RAI2: variants seen among roughly 807,000 people sequenced by gnomAD.
RAI2 encodes retinoic acid-induced protein 2.
RAI2 carries 5 observed loss-of-function variants against 15.3 expected under a neutral mutation model. That is an observed-to-expected ratio of 0.33 (90% CI 0.17 to 0.69). The LOEUF is 0.69. Ranked by LOEUF, RAI2 falls within the 30% of genes least tolerant of loss-of-function variation. RAI2 has a pLI of 0.69. For synonymous variants in RAI2, 191 were observed against 184.0 expected, an observed-to-expected ratio of 1.04 and a Z score of -0.31; for missense variants, 424 against 424.7, an observed-to-expected ratio of 1.00 and a Z score of 0.01.
intron 1 of RAI2, among the ~76,000 whole-genome samples, chrX:17,823,594 G>C (rs950805681): frequency 1.8e-5 from 2 of 111,502 alleles, no homozygotes; most frequent in African/African-American, 6.5e-5. Flanking sequence ...ATTTTCATCA[G>C]GCTAGACTCT....
chrX:17,813,515 A>T (rs1456424797), intron 1 of RAI2, among the ~76,000 whole-genome samples: 1 of 111,455 alleles, frequency 9.0e-6, no homozygotes, highest in Admixed American at 9.5e-5. Flanking sequence ...CTCCATAGAG[A>T]TAAGAACCGA....
chrX:17,804,180 G>A (rs2066952855), intron 1 of RAI2, among the ~76,000 whole-genome samples: 1 of 111,032 alleles, frequency 9.0e-6, no homozygotes, highest in Non-Finnish European at 1.9e-5. Context: ...GGATCATCTT[G>A]AACTCCTGGC....
rs1331880344 is a variant in RAI2 at position 17,800,498 on chromosome X, A to C, written c.1513T>G (p.Leu505Val). 1 of 1,211,194 alleles carries C rather than the reference A, an allele frequency of 8.3e-7. No individual in the cohort carries two copies. Among genetic ancestry groups the C allele is most frequent in the East Asian group, 3.0e-5 (1 of 33,818 alleles). ...ATTTCCTGGGAGTTCACTTTCTTTAACTTTATGCTCCGGTTTTTGATGGGT... is the reference window on the plus strand; with the variant it reads ...ATTTCCTGGGAGTTCACTTTCTTTACCTTTATGCTCCGGTTTTTGATGGGT... ...RKPIKNRSIK[L>V]KKVNSQEIHM... Residue 505 changes from leucine (L) to valine (V), a missense_variant, in exon 2 of 2, where the codon TTA (leucine) becomes GTA (valine). Transcript: ENST00000451717.
intron 1 of RAI2, among the ~76,000 whole-genome samples, chrX:17,807,369 G>T (rs996383240): frequency 8.9e-6 from 1 of 111,805 alleles, no homozygotes; most frequent in Non-Finnish European, 1.9e-5. Flanking sequence ...GGCACTAGTA[G>T]GTGCTGAGGA....
At chrX:17,852,995 T>C (rs946706786) in intron 1 of RAI2, among the ~76,000 whole-genome samples, 3 of 104,554 alleles carry the variant, frequency 2.9e-5, no homozygotes, top group Non-Finnish European at 5.8e-5. Context: ...GTACACTAAA[T>C]GGCTAAATCA....
chrX:17,809,679 G>A (rs1432797915), intron 1 of RAI2, among the ~76,000 whole-genome samples: 2 of 110,823 alleles, frequency 1.8e-5, no homozygotes, highest in Non-Finnish European at 3.8e-5. Context: ...AACTCAGCAG[G>A]AGAAATGAAG....
Position 17,801,411 on chromosome X carries a change from G to A in RAI2, c.600C>T (p.Pro200=). 1.7e-6 allele frequency: 2 copies of A among 1,155,627 alleles called. No homozygotes were observed. Among genetic ancestry groups the A allele is most frequent in the African/African-American group, 3.6e-5 (2 of 55,581 alleles). The change falls in exon 2 of 2, where the codon CCC becomes CCT. Residue 200 remains proline, a synonymous_variant. Coordinates refer to ENST00000451717, the MANE Select transcript of RAI2 (RefSeq NM_021785.6). ...AGCCAGGAGGAGGCTGACAGGGTGGGGGCCCGAGAGTGCCCTGGGAGGGAA... is the reference window on the plus strand; with the variant it reads ...AGCCAGGAGGAGGCTGACAGGGTGGAGGCCCGAGAGTGCCCTGGGAGGGAA... ...NLFPSQGTLG[P]PPCQPPPGYA...
intron 1 of RAI2, among the ~76,000 whole-genome samples, chrX:17,802,607 C>G (rs1421355137): frequency 8.9e-6 from 1 of 111,990 alleles, no homozygotes; most frequent in East Asian, 2.8e-4. Flanking sequence ...CAATGACATT[C>G]CCATTTCTCC....
chrX:17,828,818 GC>G (rs1052799311), intron 1 of RAI2, among the ~76,000 whole-genome samples: 3 of 111,453 alleles, frequency 2.7e-5, no homozygotes, highest in Non-Finnish European at 5.7e-5. Flanking sequence ...GAGCTCTGTG[GC>G]CTGGGATTAT....
rs73447850 is a variant in RAI2, at chrX:17,838,431, G to C, written c.-25+22667C>G. Among the ~76,000 whole-genome samples the C allele has an allele frequency of 7.6e-3, 852 of 111,685 alleles. 7 individuals are homozygous for C. The highest frequency in any genetic ancestry group is 0.025 in the African/African-American group (778 of 30,658). ...GCTCTAGAGAATACTGTCTCTCTCT[G>C]TCTTTCTCTAACTGTGACCAGTGGA... On this transcript the variant is annotated intron_variant, in intron 1 of 1. Coordinates refer to ENST00000451717, the MANE Select transcript of RAI2 (RefSeq NM_021785.6).
At chrX:17,821,234 C>T (rs1420656333) in intron 1 of RAI2, among the ~76,000 whole-genome samples, 2 of 111,824 alleles carry the variant, frequency 1.8e-5, no homozygotes, top group Non-Finnish European at 3.8e-5. Context: ...ATAAAATAAA[C>T]GTGTGAACTG....
At chrX:17,805,884 G>A (rs745556811) in intron 1 of RAI2, among the ~76,000 whole-genome samples, 4 of 111,781 alleles carry the variant, frequency 3.6e-5, no homozygotes, top group African/African-American at 1.3e-4. Flanking sequence ...CCCAGGCAAA[G>A]GAACATGAAC....
At chrX:17,809,956 A>C (rs1412304079) in intron 1 of RAI2, among the ~76,000 whole-genome samples, 1 of 110,276 alleles carries the variant, frequency 9.1e-6, no homozygotes, top group African/African-American at 3.3e-5. Flanking sequence ...ATTTTTGTTG[A>C]GACTGGAATC....
intron 1 of RAI2, among the ~76,000 whole-genome samples, chrX:17,821,767 C>T (rs188454143): frequency 9.0e-6 from 1 of 111,546 alleles, no homozygotes; most frequent in East Asian, 2.8e-4. Context: ...GCCTAGGCCA[C>T]GCATCTAGGT....
intron 1 of RAI2, among the ~76,000 whole-genome samples, chrX:17,849,554 C>T (rs1450095583): frequency 8.9e-6 from 1 of 112,538 alleles, no homozygotes; most frequent in Admixed American, 9.3e-5. Context: ...CACTTGGTAC[C>T]ACTGTCCAGC....
intron 1 of RAI2, among the ~76,000 whole-genome samples, chrX:17,852,064 T>TCA (rs2067542536): frequency 9.0e-6 from 1 of 111,707 alleles, no homozygotes; most frequent in Non-Finnish European, 1.9e-5. Flanking sequence ...AGATTTATGA[T>TCA]CCTATTTCCT....
At chrX:17,816,080 C>T (rs1036676928) in intron 1 of RAI2, among the ~76,000 whole-genome samples, 2 of 107,697 alleles carry the variant, frequency 1.9e-5, no homozygotes, top group Non-Finnish European at 3.8e-5. Flanking sequence ...CCCACCCCCA[C>T]TTACTCCCTC....
Position 17,821,782 on chromosome X carries a change from G to A in RAI2, c.-24-19748C>T, listed in dbSNP as rs1419396654. Among the ~76,000 whole-genome samples, 3 of 111,566 alleles carry A rather than the reference G, an allele frequency of 2.7e-5. No homozygotes were observed. In the Admixed American group the frequency reaches 2.9e-4, roughly 11 times the overall value. Reference sequence around the variant, plus strand: ...GCCTAGGCCACGCATCTAGGTAGGGGCAGGGTTACGGTTAGAATTCAAGGC... The same window carrying A: ...GCCTAGGCCACGCATCTAGGTAGGGACAGGGTTACGGTTAGAATTCAAGGC... On this transcript the variant is annotated intron_variant, in intron 1 of 1. Coordinates refer to ENST00000451717, the MANE Select transcript of RAI2 (RefSeq NM_021785.6).
intron 1 of RAI2, among the ~76,000 whole-genome samples, chrX:17,850,956 C>A (rs932557663): frequency 8.9e-6 from 1 of 112,880 alleles, no homozygotes; most frequent in African/African-American, 3.2e-5. Context: ...TCTTCCACTT[C>A]ACTGTGAGGG....
Sources: allele counts gnomAD v4.1 joint callset (sites outside exome capture counted in the v4.1 genomes callset), GRCh38; gene constraint gnomAD v4.1.1; transcripts MANE v1.5; gene names NCBI Gene and HGNC (gene_info 2026-07-23, HGNC 2026-07-21).